APAF1: variants seen among roughly 807,000 people sequenced by gnomAD.
APAF1 encodes the protein apoptotic protease-activating factor 1.
A neutral mutation model predicts 152.4 loss-of-function variants in APAF1; 91 were observed. That is an observed-to-expected ratio of 0.60 (90% CI 0.50 to 0.71). APAF1 has a LOEUF of 0.71. Among genes scored for constraint, APAF1 ranks in the 30% least tolerant of loss-of-function variants. APAF1 has a pLI of 0.00. For synonymous variants in APAF1, 484 were observed against 494.1 expected (o/e 0.98, Z 0.27); for missense variants, 1,283 against 1,472.0 (o/e 0.87, Z 2.10).
At chr12:98,728,109 G>T (rs1396361669) in intron 26 of APAF1, among the ~76,000 whole-genome samples, 1 of 152,136 alleles carries the variant, frequency 6.6e-6, no homozygotes, top group African/African-American at 2.4e-5. Context: ...TGGTGACAGT[G>T]GCAGGGATGC....
intron 12 of APAF1, 69 bp downstream of exon 12, chr12:98,671,788 A>T: frequency 7.0e-7 from 1 of 1,434,366 alleles, no homozygotes; most frequent in Non-Finnish European, 9.8e-7. Flanking sequence ...CAGGTGGTGA[A>T]TACGATCACT....
chr12:98,676,841 C>T (rs778654991), intron 12 of APAF1, among the ~76,000 whole-genome samples: 2 of 152,038 alleles, frequency 1.3e-5, no homozygotes, highest in African/African-American at 2.4e-5. Context: ...GACGGTGTTT[C>T]GCCATGTTGG....
At chr12:98,689,100 C>T in intron 16 of APAF1, among the ~76,000 whole-genome samples, 1 of 152,112 alleles carries the variant, frequency 6.6e-6, no homozygotes, top group Non-Finnish European at 1.5e-5. Context: ...TAGGAGTGAG[C>T]CACTGCATCC....
chr12:98,701,477 G>C (rs886386218), intron 17 of APAF1, among the ~76,000 whole-genome samples: 2 of 152,152 alleles, frequency 1.3e-5, no homozygotes, highest in Non-Finnish European at 2.9e-5. Flanking sequence ...ATGTACAAGG[G>C]TTCCAATTTC....
intron 12 of APAF1, among the ~76,000 whole-genome samples, chr12:98,675,137 A>C (rs2097685111): frequency 6.6e-6 from 1 of 152,212 alleles, no homozygotes; most frequent in Non-Finnish European, 1.5e-5. Flanking sequence ...CCATATTCAA[A>C]GAATGCTTTA....
chr12:98,659,771 A>G lies in APAF1; in HGVS notation c.710+428A>G, dbSNP rs372134117. On this transcript the variant is annotated intron_variant, in intron 5 of 26. Transcript: ENST00000551964. ...CCATCAGAAAAAAAAAAAAAAAAAAAAGAGAGAGAAAGAAAGAAAGAACCA... is the reference window on the plus strand; with the variant it reads ...CCATCAGAAAAAAAAAAAAAAAAAAGAGAGAGAGAAAGAAAGAAAGAACCA... 2.6e-3 allele frequency among the ~76,000 whole-genome samples: 377 copies of G among 142,472 alleles called. 1 individual carries two copies. The highest frequency in any genetic ancestry group is 0.01 in the African/African-American group (354 of 34,438). The allele number at this position is 142,472 out of a possible 152,430, so 93.5% of individuals were successfully genotyped here.
chr12:98,721,752 T>C (rs1325645765), intron 22 of APAF1, among the ~76,000 whole-genome samples: 1 of 152,198 alleles, frequency 6.6e-6, no homozygotes, highest in African/African-American at 2.4e-5. Flanking sequence ...ATGAGAGATC[T>C]GAAAGCCAGG....
At chr12:98,671,462 A>G (rs989926386) in intron 11 of APAF1, 73 bp from the exon 12 acceptor site, 29 of 1,430,416 alleles carry the variant, frequency 2.0e-5, no homozygotes, top group Non-Finnish European at 2.7e-5. Context: ...TTAAAGTGGC[A>G]AGATCACAGA....
At chr12:98,720,848 T>A (rs1314589956) in intron 22 of APAF1, among the ~76,000 whole-genome samples, 1 of 151,938 alleles carries the variant, frequency 6.6e-6, no homozygotes, top group African/African-American at 2.4e-5. Context: ...GCACCTGTAG[T>A]CCCAGCTACT....
intron 26 of APAF1, among the ~76,000 whole-genome samples, chr12:98,730,780 G>A (rs2097759791): frequency 6.6e-6 from 1 of 152,076 alleles, no homozygotes; most frequent in African/African-American, 2.4e-5. Context: ...TTTTGAGCCT[G>A]TTTACTTTAG....
chr12:98,692,982 AC>A (rs1469601988), intron 16 of APAF1, among the ~76,000 whole-genome samples: 11 of 152,106 alleles, frequency 7.2e-5, no homozygotes, highest in South Asian at 2.1e-4. Flanking sequence ...TTACAAAGTC[AC>A]CGAACAAATT....
Position 98,735,113 on chromosome 12 carries a change from A to T in APAF1, c.*2547A>T, listed in dbSNP as rs752145548. 2.5e-6 allele frequency: 1 copy of T among 398,568 alleles called. No individual in the cohort carries two copies. 24.7% of individuals were successfully genotyped at this position (398,568 alleles called of 1,614,324 possible). A position where few individuals can be genotyped will look rare whatever the true frequency, so the allele number is the denominator to read the frequency against. Reference sequence around the variant, plus strand: ...AAAATGGGAAGAAAGACAAGGTAACATGAAGAAAGAAGAGATACCTAGTAT... The same window carrying T: ...AAAATGGGAAGAAAGACAAGGTAACTTGAAGAAAGAAGAGATACCTAGTAT... On this transcript the variant is annotated 3_prime_UTR_variant, in exon 27 of 27. Coordinates refer to ENST00000551964, the MANE Select transcript of APAF1 (RefSeq NM_181861.2).
intron 10 of APAF1, among the ~76,000 whole-genome samples, chr12:98,668,025 C>G (rs2097675555): frequency 6.6e-6 from 1 of 152,010 alleles, no homozygotes; most frequent in South Asian, 2.1e-4. Context: ...CTCAAGTGAT[C>G]CACTCGCTTC....
intron 16 of APAF1, among the ~76,000 whole-genome samples, chr12:98,693,792 G>GTTTT (rs546014793): frequency 7.7e-6 from 1 of 129,810 alleles, no homozygotes; most frequent in Non-Finnish European, 1.7e-5. Context: ...TTGTTTTTCA[G>GTTTT]TTTTTTTTTT....
chr12:98,727,411 A>C, intron 26 of APAF1, 95 bp downstream of exon 26: 2 of 1,423,730 alleles, frequency 1.4e-6, no homozygotes, highest in South Asian at 2.4e-5. Context: ...GGCCTTTTAC[A>C]ACCCAGCAGA....
chr12:98,709,196 G>C (rs1416331075), intron 20 of APAF1, among the ~76,000 whole-genome samples: 1 of 152,194 alleles, frequency 6.6e-6, no homozygotes, highest in Non-Finnish European at 1.5e-5. Context: ...ACACACCTTT[G>C]TTCAGTAAAT....
Position 98,662,511 on chromosome 12 carries a change from AG to A in APAF1, c.767del (p.Ser256IlefsTer18), listed in dbSNP as rs779199907. The part of the protein sequence containing the change: ...WDSWVLKAFD[S>X]QCQILLTTRD... ...CTCTTGGGTGTTGAAAGCTTTTGAC[AG>A]TCAGTGTCAGATTCTTCTTACAACC... On this transcript the variant is annotated frameshift_variant, in exon 6 of 27. Coordinates refer to ENST00000551964, the MANE Select transcript of APAF1 (RefSeq NM_181861.2). LOFTEE classifies it high-confidence loss of function. 12 of 1,613,638 alleles carry A rather than the reference AG, an allele frequency of 7.4e-6. No homozygotes were observed. Among genetic ancestry groups the A allele is most frequent in the Non-Finnish European group, 1.0e-5 (12 of 1,179,762 alleles).
intron 21 of APAF1, 38 bp downstream of exon 21, chr12:98,712,473 A>T (rs1565889206): frequency 1.7e-6 from 2 of 1,148,432 alleles, no homozygotes; most frequent in Non-Finnish European, 2.6e-6. Context: ...TCTGTACAGA[A>T]TTAAATAAAA....
Position 98,729,533 on chromosome 12 carries a change from G to A in APAF1, c.3600+2217G>A, listed in dbSNP as rs544247166. Among the ~76,000 whole-genome samples, 46 of 152,290 alleles carry A rather than the reference G, an allele frequency of 3.0e-4. 1 individual carries two copies. The South Asian group carries it at 7.5e-3, about 25-fold the overall frequency. Reference sequence around the variant, plus strand: ...CCGCTCACCTTCTGCTCTGCGGATGGGTTCCTAAAAGGCCACAGACCAGTA... The same window carrying A: ...CCGCTCACCTTCTGCTCTGCGGATGAGTTCCTAAAAGGCCACAGACCAGTA... On this transcript the variant is annotated intron_variant, in intron 26 of 26. Transcript: ENST00000551964.
Sources: allele counts gnomAD v4.1 joint callset (sites outside exome capture counted in the v4.1 genomes callset), GRCh38; gene constraint gnomAD v4.1.1; transcripts MANE v1.5; gene names NCBI Gene and HGNC (gene_info 2026-07-23, HGNC 2026-07-21).